The following CCDC60 variants were observed in gnomAD, a reference collection of about 807,000 sequenced individuals.
The protein encoded by CCDC60 is coiled-coil domain-containing protein 60.
CCDC60 carries 54 observed loss-of-function variants against 63.5 expected under a neutral mutation model. The ratio of observed to expected loss-of-function variants is 0.85; its 90% CI spans 0.68 to 1.07. CCDC60 has a LOEUF of 1.07. Among genes scored for constraint, CCDC60 ranks in the 50% least tolerant of loss-of-function variants. The pLI is 0.00. For synonymous variants in CCDC60, 206 were observed against 238.8 expected, an observed-to-expected ratio of 0.86 and a Z score of 1.27; for missense variants, 651 against 684.3, an observed-to-expected ratio of 0.95 and a Z score of 0.54.
At chr12:119,512,823 G>T (rs534796265) in intron 7 of CCDC60, among the ~76,000 whole-genome samples, 2 of 152,318 alleles carry the variant, frequency 1.3e-5, no homozygotes, top group Admixed American at 1.3e-4. Context: ...CTCTCCCTTT[G>T]GTTGCTCACG....
intron 5 of CCDC60, among the ~76,000 whole-genome samples, chr12:119,492,143 C>T (rs776633413): frequency 1.4e-4 from 21 of 152,130 alleles, no homozygotes; most frequent in Admixed American, 6.5e-4. Context: ...TAGGAAGTCA[C>T]GGTATTTGTT....
At chr12:119,412,059 C>G (rs1050284594) in intron 1 of CCDC60, among the ~76,000 whole-genome samples, 2 of 152,160 alleles carry the variant, frequency 1.3e-5, no homozygotes, top group African/African-American at 2.4e-5. Flanking sequence ...GCTCTTGCCC[C>G]TCACTGAGCC....
intron 1 of CCDC60, among the ~76,000 whole-genome samples, chr12:119,411,514 G>GA (rs928827630): frequency 6.6e-6 from 1 of 151,964 alleles, no homozygotes; most frequent in Non-Finnish European, 1.5e-5. Context: ...CTCAAAAAAA[G>GA]AAAAAAATTG....
chr12:119,496,855 G>A (rs1168142990), intron 5 of CCDC60, among the ~76,000 whole-genome samples: 1 of 152,130 alleles, frequency 6.6e-6, no homozygotes, highest in Non-Finnish European at 1.5e-5. Context: ...CTTGATACTC[G>A]GAGACTTGCC....
rs1187099597 is a variant in CCDC60 at position 119,479,213 on chromosome 12, C to T, written c.449+12C>T. ...ACCGAGGCTCACGTGTAAGTAGTCT[C>T]ACCTCCAGCTCATTTGCTTTGCTAG... is the stretch of plus-strand genomic sequence containing the variant. On this transcript the variant is annotated intron_variant, in intron 4 of 13. Transcript: ENST00000327554. The T allele has an allele frequency of 1.3e-6, 2 of 1,583,202 alleles. No homozygotes were observed. The highest frequency in any genetic ancestry group is 1.7e-5 in the Admixed American group (1 of 59,874).
chr12:119,371,521 G>A (rs1335003254), intron 1 of CCDC60, among the ~76,000 whole-genome samples: 1 of 152,198 alleles, frequency 6.6e-6, no homozygotes, highest in Non-Finnish European at 1.5e-5. Flanking sequence ...TACCCTTATA[G>A]TCAGAGCTGG....
chr12:119,458,125 C>T (rs1719051913), intron 2 of CCDC60, among the ~76,000 whole-genome samples: 1 of 152,188 alleles, frequency 6.6e-6, no homozygotes, highest in African/African-American at 2.4e-5. Flanking sequence ...CTGAGCCAGC[C>T]AGATGAAGTG....
intron 8 of CCDC60, 52 bp downstream of exon 8, chr12:119,516,759 C>CTACTGTTAATGTGATTGCT: frequency 7.9e-7 from 1 of 1,267,740 alleles, no homozygotes; most frequent in Non-Finnish European, 1.1e-6. Flanking sequence ...ATAGCAATCA[C>CTACTGTTAATGTGATTGCT]ATTAACAGTA....
intron 5 of CCDC60, among the ~76,000 whole-genome samples, chr12:119,497,244 C>G (rs986631380): frequency 3.9e-5 from 6 of 152,226 alleles, no homozygotes; most frequent in African/African-American, 1.4e-4. Context: ...CTTACCCCAC[C>G]AGGCCAGGGG....
Position 119,354,613 on chromosome 12 carries a change from G to GCA in CCDC60, c.90+19350_90+19351dup, listed in dbSNP as rs200417331. Reference sequence around the variant, plus strand: ...CGGGGAGACTTTCTTTCCAGCTACAGCACAGTGCACGGGGCTCCAGGCAAA... The same window carrying GCA: ...CGGGGAGACTTTCTTTCCAGCTACAGCACACAGTGCACGGGGCTCCAGGCAAA... On this transcript the variant is annotated intron_variant, in intron 1 of 13. Transcript: ENST00000327554. Among the ~76,000 whole-genome samples, 1,223 of 152,324 alleles carry GCA rather than the reference G, an allele frequency of 8.0e-3. 22 individuals are homozygous for GCA. Among genetic ancestry groups the GCA allele is most frequent in the African/African-American group, 0.028 (1,176 of 41,578 alleles).
At chr12:119,373,269 C>A (rs1955916326) in intron 1 of CCDC60, among the ~76,000 whole-genome samples, 1 of 152,170 alleles carries the variant, frequency 6.6e-6, no homozygotes, top group Admixed American at 6.5e-5. Context: ...ATAGCATTTA[C>A]TCAATAAATA....
chr12:119,454,625 C>A (rs11612601), intron 2 of CCDC60, among the ~76,000 whole-genome samples: 21,322 of 152,112 alleles, frequency 0.14, 1,628 homozygotes, highest in East Asian at 0.3. Flanking sequence ...ATTGATTTAG[C>A]CAAGGACAAT....
chr12:119,382,431 G>T (rs1425541320), intron 1 of CCDC60, among the ~76,000 whole-genome samples: 1 of 152,188 alleles, frequency 6.6e-6, no homozygotes, highest in East Asian at 1.9e-4. Flanking sequence ...CACAGAAGGG[G>T]AACAGGGTAC....
intron 1 of CCDC60, among the ~76,000 whole-genome samples, chr12:119,391,305 C>T (rs1335609968): frequency 6.6e-6 from 1 of 152,210 alleles, no homozygotes; most frequent in East Asian, 1.9e-4. Flanking sequence ...CCATCCACGT[C>T]TGGGTGCTTT....
At chr12:119,366,820 C>G (rs924001617) in intron 1 of CCDC60, among the ~76,000 whole-genome samples, 3 of 152,122 alleles carry the variant, frequency 2.0e-5, no homozygotes, top group African/African-American at 7.2e-5. Context: ...ACAGAAGGAA[C>G]AGAAAACCCT....
intron 12 of CCDC60, 34 bp from the exon 13 acceptor site, chr12:119,530,840 C>T (rs886571855): frequency 1.3e-6 from 2 of 1,582,930 alleles, no homozygotes; most frequent in African/African-American, 2.7e-5. Flanking sequence ...CTTCCAGCAG[C>T]TTCCTAACTT....
At chr12:119,459,094 G>C (rs962091121) in intron 2 of CCDC60, among the ~76,000 whole-genome samples, 4 of 152,170 alleles carry the variant, frequency 2.6e-5, no homozygotes, top group South Asian at 2.1e-4. Flanking sequence ...CTGATTGCTA[G>C]CATGTGGCAG....
chr12:119,476,734 G>T (rs1951185812), intron 3 of CCDC60, among the ~76,000 whole-genome samples: 1 of 152,136 alleles, frequency 6.6e-6, no homozygotes, highest in Admixed American at 6.5e-5. Context: ...CTAGCCTGTG[G>T]CTTGCCTCTC....
chr12:119,488,789 C>A lies in CCDC60; in HGVS notation c.480C>A (p.Leu160=), dbSNP rs1277455084. 3 of 1,614,200 alleles carry A rather than the reference C, an allele frequency of 1.9e-6. No individual in the cohort carries two copies. Among genetic ancestry groups the A allele is most frequent in the Non-Finnish European group, 2.5e-6 (3 of 1,180,014 alleles). Residue 160 remains leucine (L), a synonymous_variant, in exon 5 of 14, where the codon CTC becomes CTA. Coordinates refer to ENST00000327554, the MANE Select transcript of CCDC60 (RefSeq NM_178499.5). ...VEPLFRQLCA[L]HWLLEALTID... is the part of the protein sequence containing the mutation. ...CCCTCTTCCGCCAGCTCTGTGCTCT[C>A]CACTGGCTTCTGGAGGCCCTGACTA...
Sources: gnomAD v4.1 joint callset for allele counts (sites outside exome capture counted in the v4.1 genomes callset) on GRCh38, gnomAD v4.1.1 for gene constraint, MANE v1.5 for transcripts, NCBI Gene and HGNC (gene_info 2026-07-23, HGNC 2026-07-21) for gene names.